LIPN: variants seen among roughly 807,000 people sequenced by gnomAD.
LIPN encodes lipase member N.
LIPN carries 32 observed loss-of-function variants against 43.7 expected under a neutral mutation model. The ratio of observed to expected loss-of-function variants is 0.73; its 90% CI spans 0.55 to 0.98. The LOEUF is 0.98. Ranked by LOEUF, LIPN falls within the 50% of genes least tolerant of loss-of-function variation. LIPN has a pLI of 0.00. For missense variants in LIPN, 505 were observed against 483.8 expected (o/e 1.04, Z -0.41); for synonymous variants, 156 against 157.6 (o/e 0.99, Z 0.08).
At chr10:88,769,175 C>G (rs961437177) in intron 6 of LIPN, among the ~76,000 whole-genome samples, 2 of 151,904 alleles carry the variant, frequency 1.3e-5, no homozygotes, top group African/African-American at 4.8e-5. Context: ...GTCAGAATTT[C>G]TAGCTGAACT....
chr10:88,771,000 G>T lies in LIPN; in HGVS notation c.819+9G>T. The T allele has an allele frequency of 6.4e-7, 1 of 1,558,548 alleles. No homozygotes were observed. Among genetic ancestry groups the T allele is most frequent in the South Asian group, 1.2e-5 (1 of 83,156 alleles). On this transcript the variant is annotated intron_variant, in intron 7 of 9. Coordinates refer to ENST00000404459, the MANE Select transcript of LIPN (RefSeq NM_001102469.2). Reference sequence around the variant, plus strand: ...AGAAAAATATGAATCAGGTATGTATGATAATTATAGGGCCATTTGATACCT... The same window carrying T: ...AGAAAAATATGAATCAGGTATGTATTATAATTATAGGGCCATTTGATACCT...
At chr10:88,768,015 T>TACACACACAC (rs60861050) in intron 5 of LIPN, among the ~76,000 whole-genome samples, 1 of 140,980 alleles carries the variant, frequency 7.1e-6, no homozygotes, top group East Asian at 2.2e-4. Flanking sequence ...AGTGTTTCAG[T>TACACACACAC]ACACACACAC....
chr10:88,775,225 G>T (rs889848232), intron 9 of LIPN, 62 bp downstream of exon 9: 5 of 1,243,916 alleles, frequency 4.0e-6, no homozygotes, highest in African/African-American at 1.5e-5. Context: ...AAAATTATTT[G>T]AGGGTGGAAA....
At chr10:88,759,256 G>C (rs1842963687), upstream of LIPN, among the ~76,000 whole-genome samples, 1 of 152,098 alleles carries the variant, frequency 6.6e-6, no homozygotes, top group African/African-American at 2.4e-5. Context: ...TAATAGAACT[G>C]AAACTTCTAT....
Position 88,778,783 on chromosome 10 carries a change from C to T in LIPN, c.*541C>T, listed in dbSNP as rs1003618665. Among the ~76,000 whole-genome samples, 2 of 152,066 alleles carry T rather than the reference C, an allele frequency of 1.3e-5. No individual in the cohort carries two copies. Among genetic ancestry groups the T allele is most frequent in the Non-Finnish European group, 2.9e-5 (2 of 68,012 alleles). ...TCCCCAAAGATTCTTCCAGAGAAGC[C>T]CTCTTTTCTTACAATCTTATCCCTG... On this transcript the variant is annotated 3_prime_UTR_variant, in exon 10 of 10. Coordinates refer to ENST00000404459, the MANE Select transcript of LIPN (RefSeq NM_001102469.2).
intron 4 of LIPN, among the ~76,000 whole-genome samples, chr10:88,765,120 A>G (rs1843072291): frequency 6.6e-6 from 1 of 152,014 alleles, no homozygotes; most frequent in Non-Finnish European, 1.5e-5. Flanking sequence ...AGAGAAACTG[A>G]GATCGCACAT....
chr10:88,769,706 T>A, intron 6 of LIPN: 1 of 415,296 alleles, frequency 2.4e-6, no homozygotes, highest in Non-Finnish European at 3.2e-6. Context: ...AGACGTTGGT[T>A]TGGGGTAGAG....
At chr10:88,763,175 A>G (rs575572532) in intron 3 of LIPN, among the ~76,000 whole-genome samples, 1 of 152,166 alleles carries the variant, frequency 6.6e-6, no homozygotes, top group South Asian at 2.1e-4. Context: ...AAAATATGAA[A>G]CACCCAGTTA....
At position 88,778,044 on chromosome 10, in the gene LIPN, A is replaced by C. The variant is rs549541019; in HGVS notation, c.999A>C (p.Lys333Asn). ...HPPIYDLTAM[K>N]VPTAIWAGGH... ...CTATATATGACCTGACTGCCATGAA[A>C]GTGCCTACTGCTATTTGGGCTGGTG... The change falls in exon 10 of 10, where the codon AAA (lysine) becomes AAC (asparagine). Residue 333 changes from lysine (K) to asparagine (N), a missense_variant. Lys to Asn is a moderately conservative substitution (Grantham distance 94). Coordinates refer to ENST00000404459, the MANE Select transcript of LIPN (RefSeq NM_001102469.2). The C allele has an allele frequency of 1.5e-5, 24 of 1,613,460 alleles. No homozygotes were observed. The African/African-American group carries it at 3.2e-4, about 22-fold the overall frequency.
chr10:88,774,589 T>C (rs373237508), intron 8 of LIPN, 45 bp downstream of exon 8: 27 of 1,496,832 alleles, frequency 1.8e-5, no homozygotes, highest in Non-Finnish European at 2.3e-5. Context: ...TTATTTTCAA[T>C]ATATTTAAAA....
chr10:88,772,567 T>C (rs1843227114), intron 7 of LIPN, among the ~76,000 whole-genome samples: 1 of 151,970 alleles, frequency 6.6e-6, no homozygotes, highest in Non-Finnish European at 1.5e-5. Context: ...TGACTATAAA[T>C]GTGTGGGTTT....
At chr10:88,769,947 TA>T (rs1420734768) in intron 6 of LIPN, among the ~76,000 whole-genome samples, 4 of 152,054 alleles carry the variant, frequency 2.6e-5, no homozygotes, top group Non-Finnish European at 2.9e-5. Context: ...GTGAGCAAAC[TA>T]ATTTGTTAAA....
At chr10:88,777,768 C>CT (rs1319805732) in intron 9 of LIPN, among the ~76,000 whole-genome samples, 1 of 152,048 alleles carries the variant, frequency 6.6e-6, no homozygotes, top group Non-Finnish European at 1.5e-5. Flanking sequence ...AATTTTTTGC[C>CT]TTTTTTTCCA....
At chr10:88,769,635 G>A (rs1590179078) in intron 6 of LIPN, 5 of 961,274 alleles carry the variant, frequency 5.2e-6, no homozygotes, top group Middle Eastern at 5.4e-4. Context: ...ATGGATTTGG[G>A]CCAAAATTGA....
intron 4 of LIPN, 100 bp from the exon 5 acceptor site, chr10:88,766,169 A>G: frequency 1.5e-6 from 1 of 681,906 alleles, no homozygotes. Flanking sequence ...AATCTAAGTA[A>G]ACAGCATAGA....
intron 6 of LIPN, among the ~76,000 whole-genome samples, chr10:88,770,313 G>A (rs1281363344): frequency 2.0e-5 from 3 of 151,822 alleles, no homozygotes; most frequent in Admixed American, 1.3e-4. Context: ...GCTAATCTGG[G>A]ACAGTACTCG....
intron 9 of LIPN, among the ~76,000 whole-genome samples, chr10:88,777,603 G>C (rs1024072833): frequency 1.3e-5 from 2 of 151,708 alleles, no homozygotes; most frequent in Non-Finnish European, 1.5e-5. Flanking sequence ...TACATATTCT[G>C]TTCTCCAGGT....
rs917262903 is a variant in LIPN, at chr10:88,760,068, TAAG to T, written c.-46_-44del. ...CAAAAGTTCAGAAGTTCCTCATCAA[TAAG>T]GAGTCCTTGTGAGCAGGTGAAGCTC... On this transcript the variant is annotated 5_prime_UTR_variant, in exon 1 of 10. The change creates a new upstream start codon in the 5' untranslated region. Coordinates refer to ENST00000404459, the MANE Select transcript of LIPN (RefSeq NM_001102469.2). Among the ~76,000 whole-genome samples, 2 of 152,072 alleles carry T rather than the reference TAAG, an allele frequency of 1.3e-5. No individual in the cohort carries two copies. The highest frequency in any genetic ancestry group is 4.8e-5 in the African/African-American group (2 of 41,424).
At chr10:88,762,380 T>G (rs1394076442) in intron 3 of LIPN, 75 bp downstream of exon 3, 4 of 852,630 alleles carry the variant, frequency 4.7e-6, no homozygotes, top group Non-Finnish European at 7.8e-6. Flanking sequence ...ATGCTAGATA[T>G]GCATCAACAG....
Sources: gnomAD v4.1 joint callset for allele counts (sites outside exome capture counted in the v4.1 genomes callset) on GRCh38, gnomAD v4.1.1 for gene constraint, MANE v1.5 for transcripts, NCBI Gene and HGNC (gene_info 2026-07-23, HGNC 2026-07-21) for gene names.